RNLS: variants seen among roughly 807,000 people sequenced by gnomAD.
The protein encoded by RNLS is renalase.
RNLS carries 39 observed loss-of-function variants against 39.8 expected under a neutral mutation model. The observed-to-expected ratio is 0.98, with a 90% CI of 0.76 to 1.28. The LOEUF is 1.28. Among genes scored for constraint, RNLS ranks in the 50% most tolerant of loss-of-function variants. RNLS has a pLI of 0.00. For synonymous variants in RNLS, 147 were observed against 150.7 expected, an observed-to-expected ratio of 0.98 and a Z score of 0.18; for missense variants, 410 against 413.3, an observed-to-expected ratio of 0.99 and a Z score of 0.07.
Position 88,497,171 on chromosome 10 carries a change from C to T in RNLS, c.526+75732G>A, listed in dbSNP as rs556469011. On this transcript the variant is annotated intron_variant, in intron 4 of 6. Coordinates refer to ENST00000331772, the MANE Select transcript of RNLS (RefSeq NM_001031709.3). ...GTTCAAAGTTGTTTTGGAAGACAAA[C>T]GGAAATTGTTGAAAATATTATAGAA... is the stretch of plus-strand genomic sequence containing the variant. 5.5e-4 allele frequency among the ~76,000 whole-genome samples: 83 copies of T among 151,856 alleles called. 1 individual carries two copies. The highest frequency in any genetic ancestry group is 5.4e-3 in the South Asian group (26 of 4,810).
intron 5 of RNLS, among the ~76,000 whole-genome samples, chr10:88,356,599 A>G (rs17424682): frequency 0.2 from 30,545 of 152,186 alleles, 3,974 homozygotes; most frequent in Non-Finnish European, 0.28. Context: ...CATTGAAGGT[A>G]TTATATATTA....
Position 88,389,998 on chromosome 10 carries a change from A to G in RNLS, c.527-27273T>C, listed in dbSNP as rs547180718. On this transcript the variant is annotated intron_variant, in intron 4 of 6. Transcript: ENST00000331772. The stretch of plus-strand genomic sequence containing the variant: ...AGGTGATGGCAATTACAGCATTTGC[A>G]ACAATATTCATAAATAGCTAGGAAC... 3.3e-5 allele frequency among the ~76,000 whole-genome samples: 5 copies of G among 152,374 alleles called. No homozygotes were observed. The East Asian group carries it at 9.6e-4, about 29-fold the overall frequency.
chr10:88,224,708 T>C, the RNLS span, among the ~76,000 whole-genome samples: 1 of 152,234 alleles, frequency 6.6e-6, no homozygotes, highest in African/African-American at 2.4e-5. Flanking sequence ...GCAAGCATTC[T>C]TGATTGGGGT....
At chr10:88,444,224 C>T (rs959092371) in intron 4 of RNLS, among the ~76,000 whole-genome samples, 11 of 152,302 alleles carry the variant, frequency 7.2e-5, no homozygotes, top group African/African-American at 2.4e-4. Context: ...CTGGAGTGGA[C>T]CTCTAGCAAA....
chr10:88,430,497 T>C (rs191977221), intron 4 of RNLS, among the ~76,000 whole-genome samples: 1 of 151,920 alleles, frequency 6.6e-6, no homozygotes, highest in Non-Finnish European at 1.5e-5. Context: ...TTTCTCCCTA[T>C]TGTACTGTCT....
chr10:88,565,136 T>C (rs960087627), intron 4 of RNLS, among the ~76,000 whole-genome samples: 1 of 152,210 alleles, frequency 6.6e-6, no homozygotes, highest in African/African-American at 2.4e-5. Context: ...GTTATGTAAT[T>C]CTAATGGGCC....
At chr10:88,397,128 T>G (rs1181523131) in intron 4 of RNLS, among the ~76,000 whole-genome samples, 1 of 151,970 alleles carries the variant, frequency 6.6e-6, no homozygotes, top group African/African-American at 2.4e-5. Context: ...CTGACATGCA[T>G]ATACAAAATA....
the RNLS span, among the ~76,000 whole-genome samples, chr10:88,243,620 T>TA: frequency 3.3e-5 from 5 of 152,234 alleles, no homozygotes; most frequent in African/African-American, 1.2e-4. Context: ...CCAATTCATG[T>TA]AATATCTTTA....
chr10:88,572,913 G>A lies in RNLS; in HGVS notation c.516C>T (p.Asp172=). 6 of 1,613,672 alleles carry A rather than the reference G, an allele frequency of 3.7e-6. No homozygotes were observed. The highest frequency in any genetic ancestry group is 5.1e-6 in the Non-Finnish European group (6 of 1,179,738). Residue 172 remains aspartate, a synonymous_variant, in exon 4 of 7, where the codon GAC becomes GAT. Coordinates refer to ENST00000331772, the MANE Select transcript of RNLS (RefSeq NM_001031709.3). ...CAAAAGCAGACTCACAGGTGGTGAT[G>A]TCACCTTGAAGCTGCAGAATCTCAG... ...PVPEILQLQG[D]ITTLISECQR...
At chr10:88,445,130 T>C (rs2872092) in intron 4 of RNLS, among the ~76,000 whole-genome samples, 106,167 of 152,062 alleles carry the variant, frequency 0.7, 37,904 homozygotes, top group African/African-American at 0.85. Flanking sequence ...TTGGCAGAAA[T>C]TCTACAAGCC....
At chr10:88,171,969 T>C in the RNLS span, among the ~76,000 whole-genome samples, 1 of 152,324 alleles carries the variant, frequency 6.6e-6, no homozygotes, top group Non-Finnish European at 1.5e-5. Flanking sequence ...CTTGGCCATA[T>C]TGTGGTGAGT....
At chr10:88,443,729 A>G (rs2133860956) in intron 4 of RNLS, among the ~76,000 whole-genome samples, 1 of 152,344 alleles carries the variant, frequency 6.6e-6, no homozygotes, top group Non-Finnish European at 1.5e-5. Context: ...TGTAGCTAGC[A>G]CAGCAGTCTG....
the RNLS span, among the ~76,000 whole-genome samples, chr10:88,251,777 C>T: frequency 3.9e-5 from 6 of 152,216 alleles, no homozygotes; most frequent in Admixed American, 6.5e-5. Context: ...AGAAGATGTT[C>T]ATGGAACTGA....
chr10:88,367,437 C>T (rs1206569224), intron 4 of RNLS, among the ~76,000 whole-genome samples: 5 of 152,108 alleles, frequency 3.3e-5, no homozygotes, highest in South Asian at 2.1e-4. Flanking sequence ...ATTGCTTATA[C>T]GTATACACTA....
At chr10:88,311,770 CAAATGAAA>C (rs1589522277) in intron 6 of RNLS, among the ~76,000 whole-genome samples, 1 of 152,034 alleles carries the variant, frequency 6.6e-6, no homozygotes, top group Non-Finnish European at 1.5e-5. Flanking sequence ...AATGAGTTAC[CAAATGAAA>C]AAATGAAAAA....
intron 4 of RNLS, among the ~76,000 whole-genome samples, chr10:88,524,966 T>TAC (rs1847014906): frequency 1.3e-5 from 1 of 79,410 alleles, no homozygotes. Context: ...CATACATATA[T>TAC]ATATATATAT....
chr10:88,517,121 C>T (rs1324790189), intron 4 of RNLS, among the ~76,000 whole-genome samples: 2 of 151,930 alleles, frequency 1.3e-5, no homozygotes, highest in Non-Finnish European at 2.9e-5. Flanking sequence ...AGCTGTTAAT[C>T]AGAAAGATAA....
At chr10:88,382,440 A>T (rs745945155) in intron 4 of RNLS, among the ~76,000 whole-genome samples, 1 of 152,156 alleles carries the variant, frequency 6.6e-6, no homozygotes, top group Non-Finnish European at 1.5e-5. Context: ...ATATCATCAC[A>T]GTAGAATTTT....
At chr10:88,565,405 T>C (rs1403263292) in intron 4 of RNLS, among the ~76,000 whole-genome samples, 1 of 152,220 alleles carries the variant, frequency 6.6e-6, no homozygotes, top group Non-Finnish European at 1.5e-5. Context: ...CAATTCTTCA[T>C]ACTGAGGTCA....
Sources: gnomAD v4.1 joint callset for allele counts (sites outside exome capture counted in the v4.1 genomes callset) on GRCh38, gnomAD v4.1.1 for gene constraint, MANE v1.5 for transcripts, NCBI Gene and HGNC (gene_info 2026-07-23, HGNC 2026-07-21) for gene names.